Variants in CSNK1A1 observed in about 807,000 individuals in gnomAD.
CSNK1A1 encodes casein kinase I isoform alpha.
CSNK1A1 carries 7 observed loss-of-function variants against 46.1 expected under a neutral mutation model. The observed-to-expected ratio is 0.15, with a 90% CI of 0.09 to 0.29. The LOEUF (loss-of-function observed/expected upper bound fraction) is 0.29. CSNK1A1 is among the 10% of genes least tolerant of loss of function. The probability of loss-of-function intolerance (pLI) is 1.00; values close to 1 mark genes in which losing one functional copy is unlikely to be tolerated. For missense variants in CSNK1A1, 96 were observed against 417.1 expected (o/e 0.23, Z 6.71); for synonymous variants, 137 against 141.5 (o/e 0.97, Z 0.23).
At chr5:149,523,495 G>A (rs943200822) in intron 3 of CSNK1A1, among the ~76,000 whole-genome samples, 1 of 152,238 alleles carries the variant, frequency 6.6e-6, no homozygotes, top group African/African-American at 2.4e-5. Flanking sequence ...TTACAGGCGT[G>A]AGCCAGTGTG....
At chr5:149,536,671 G>A (rs1359405477) in intron 2 of CSNK1A1, among the ~76,000 whole-genome samples, 1 of 152,172 alleles carries the variant, frequency 6.6e-6, no homozygotes, top group Non-Finnish European at 1.5e-5. Context: ...CTCAAAGAAA[G>A]AAAAGATGGC....
At chr5:149,512,580 T>A (rs2113090783) in intron 5 of CSNK1A1, among the ~76,000 whole-genome samples, 1 of 152,294 alleles carries the variant, frequency 6.6e-6, no homozygotes, top group South Asian at 2.1e-4. Context: ...CAGAGACTGT[T>A]ACTTTTTTTA....
chr5:149,505,932 CT>C (rs112393960), intron 8 of CSNK1A1, among the ~76,000 whole-genome samples: 38 of 146,698 alleles, frequency 2.6e-4, no homozygotes, highest in Admixed American at 3.4e-4. Context: ...TGAATTCTCT[CT>C]TTTTTTTTTT....
At chr5:149,545,864 A>C in intron 2 of CSNK1A1, 1 of 328,136 alleles carries the variant, frequency 3.0e-6, no homozygotes, top group Non-Finnish European at 5.7e-6. Context: ...TTAAAATATC[A>C]AGAAAATGGA....
In CSNK1A1 at chr5:149,517,953, A is replaced by G. The variant is rs1554115866; in HGVS notation, c.456+2337T>C. 1 of 877,496 alleles carries G rather than the reference A, an allele frequency of 1.1e-6. No individual in the cohort carries two copies. Among genetic ancestry groups the G allele is most frequent in the Non-Finnish European group, 1.9e-6 (1 of 534,312 alleles). 54.4% of individuals were successfully genotyped at this position (877,496 alleles called of 1,614,324 possible). On this transcript the variant is annotated intron_variant, in intron 4 of 9. Coordinates refer to ENST00000377843, the MANE Select transcript of CSNK1A1 (RefSeq NM_001892.6). This position sits in a 1 kb window ranked among gnomAD's most constrained non-coding sequence, Gnocchi z 4.4. ...GCAACAATGGCCGGCGCAGACAGGC[A>G]ACACCGAGGCATTAGAGAAAGAACA...
intron 2 of CSNK1A1, among the ~76,000 whole-genome samples, chr5:149,526,781 G>A (rs947740489): frequency 7.9e-5 from 12 of 152,098 alleles, no homozygotes; most frequent in East Asian, 3.9e-4. Context: ...CTGAGAAAGG[G>A]GGGGGAGCCT....
In CSNK1A1 at chr5:149,533,539, G is replaced by A. The variant is rs970024962; in HGVS notation, c.231-8368C>T. ...AAGATCACCTTATTTTCTTCTTCAG[G>A]TAATTTTTTGAAAACCTGGTTTATA... On this transcript the variant is annotated intron_variant, in intron 2 of 9. Coordinates refer to ENST00000377843, the MANE Select transcript of CSNK1A1 (RefSeq NM_001892.6). Among the ~76,000 whole-genome samples, 5 of 152,078 alleles carry A rather than the reference G, an allele frequency of 3.3e-5. No homozygotes were observed. In the South Asian group the frequency reaches 8.3e-4, roughly 25 times the overall value.
intron 9 of CSNK1A1, 109 bp downstream of exon 9, chr5:149,505,338 T>G: frequency 6.8e-7 from 1 of 1,459,980 alleles, no homozygotes; most frequent in Non-Finnish European, 9.1e-7. Context: ...AGAGCCAAAT[T>G]TTTATGTATT....
In CSNK1A1 at chr5:149,493,879, C is replaced by T. The variant is rs1760587258; in HGVS notation, c.*2974G>A. 6.6e-6 allele frequency: 1 copy of T among 152,070 alleles called. No individual in the cohort carries two copies. Among genetic ancestry groups the T allele is most frequent in the South Asian group, 2.1e-4 (1 of 4,832 alleles). The allele number at this position is 152,070 out of a possible 1,614,324, so 9.4% of individuals were successfully genotyped here. On this transcript the variant is annotated 3_prime_UTR_variant, in exon 10 of 10. Coordinates refer to ENST00000377843, the MANE Select transcript of CSNK1A1 (RefSeq NM_001892.6). ...TGCTTAAAAACTGGCAAAGAGAAAA[C>T]CTAAAATAATGCTTTATACCAGTTT...
chr5:149,546,541 G>C (rs529984610), intron 2 of CSNK1A1, among the ~76,000 whole-genome samples: 1 of 151,838 alleles, frequency 6.6e-6, no homozygotes, highest in Non-Finnish European at 1.5e-5. Flanking sequence ...GCTAAGGCAG[G>C]AGAATTGCTT....
In CSNK1A1 at chr5:149,544,737, TTATATATA is replaced by T. The variant is rs375444306; in HGVS notation, c.230+5330_230+5337del. 2.0e-4 allele frequency among the ~76,000 whole-genome samples: 16 copies of T among 80,806 alleles called. 1 individual carries two copies. The highest frequency in any genetic ancestry group is 4.1e-4 in the East Asian group (1 of 2,426). 53.0% of individuals were successfully genotyped at this position (80,806 alleles called of 152,430 possible). ...GTGAGGATGATGAGGGTAAAGAGCTTTATATATATATATATATATATATATATAGTTAT... is the reference window on the plus strand; with the variant it reads ...GTGAGGATGATGAGGGTAAAGAGCTTTATATATATATATATATATAGTTAT... On this transcript the variant is annotated intron_variant, in intron 2 of 9. Coordinates refer to ENST00000377843, the MANE Select transcript of CSNK1A1 (RefSeq NM_001892.6).
In CSNK1A1 at chr5:149,543,214, G is replaced by T. The variant is rs147114224; in HGVS notation, c.230+6861C>A. On this transcript the variant is annotated intron_variant, in intron 2 of 9. Coordinates refer to ENST00000377843, the MANE Select transcript of CSNK1A1 (RefSeq NM_001892.6). ...GAAACGATGTGGAGTGTGTGAGAGG[G>T]CATGATTTGACCTTGACATAAGGGT... Among the ~76,000 whole-genome samples, 836 of 152,268 alleles carry T rather than the reference G, an allele frequency of 5.5e-3. 6 individuals carry two copies. Among genetic ancestry groups the T allele is most frequent in the Middle Eastern group, 0.02 (6 of 294 alleles).
intron 2 of CSNK1A1, among the ~76,000 whole-genome samples, chr5:149,530,224 A>G (rs1403719698): frequency 6.6e-6 from 1 of 152,200 alleles, no homozygotes; most frequent in African/African-American, 2.4e-5. Context: ...TTGCTGAGTA[A>G]AATAATGAAA....
chr5:149,540,653 T>A (rs1762199567), intron 2 of CSNK1A1, among the ~76,000 whole-genome samples: 1 of 151,574 alleles, frequency 6.6e-6, no homozygotes, highest in African/African-American at 2.4e-5. Context: ...ACTTAAAAAA[T>A]AAATAAATAA....
intron 7 of CSNK1A1, among the ~76,000 whole-genome samples, chr5:149,508,131 G>C (rs114311408): frequency 6.0e-4 from 92 of 152,278 alleles, no homozygotes; most frequent in African/African-American, 2.2e-3. Context: ...TATGATTGTA[G>C]AGTTAAAGTT....
chr5:149,519,007 AT>A (rs747191479), intron 4 of CSNK1A1, among the ~76,000 whole-genome samples: 4 of 151,542 alleles, frequency 2.6e-5, no homozygotes, highest in Non-Finnish European at 4.4e-5. Context: ...AAGAACAGTA[AT>A]TTTTTTTTCA....
At chr5:149,530,965 CAA>C (rs59281087) in intron 2 of CSNK1A1, among the ~76,000 whole-genome samples, 2 of 81,738 alleles carry the variant, frequency 2.4e-5, no homozygotes, top group South Asian at 5.2e-4. Context: ...GACTCTGTCT[CAA>C]AAAAAAAAAA....
At chr5:149,502,152 C>T in intron 9 of CSNK1A1, 1 of 961,510 alleles carries the variant, frequency 1.0e-6, no homozygotes, top group Non-Finnish European at 1.2e-6. Flanking sequence ...AAAACAACAC[C>T]ATTTTTACTG....
At chr5:149,515,205 C>A (rs1266983444) in intron 4 of CSNK1A1, among the ~76,000 whole-genome samples, 1 of 152,102 alleles carries the variant, frequency 6.6e-6, no homozygotes, top group East Asian at 1.9e-4. Context: ...CATAGAATTT[C>A]CTCCAGTTCA....
Sources: allele counts gnomAD v4.1 joint callset (sites outside exome capture counted in the v4.1 genomes callset), GRCh38; gene constraint gnomAD v4.1.1; non-coding constraint Gnocchi (gnomAD v3.1); transcripts MANE v1.5; gene names NCBI Gene and HGNC (gene_info 2026-07-23, HGNC 2026-07-21).